WDR93: variants seen among roughly 807,000 people sequenced by gnomAD.
WDR93 encodes the protein WD repeat domain 93.
In WDR93, 73 loss-of-function variants were observed where a neutral mutation model predicts 82.9. The ratio of observed to expected loss-of-function variants is 0.88; its 90% confidence interval spans 0.73 to 1.07. The LOEUF is 1.07. Among genes scored for constraint, WDR93 ranks in the 50% least tolerant of loss-of-function variants. The pLI, the probability that WDR93 is intolerant of heterozygous loss-of-function variation, is 0.00. For missense variants in WDR93, 738 were observed against 826.0 expected (o/e 0.89, Z 1.31); for synonymous variants, 283 against 300.1 (o/e 0.94, Z 0.59).
chr15:89,695,834 T>A (rs978760439), intron 1 of WDR93, among the ~76,000 whole-genome samples: 8 of 148,148 alleles, frequency 5.4e-5, no homozygotes, highest in African/African-American at 1.8e-4. Flanking sequence ...TTTTTTTTTT[T>A]GAGACAGAGC....
intron 4 of WDR93, among the ~76,000 whole-genome samples, chr15:89,708,824 G>A (rs1265345928): frequency 6.6e-6 from 1 of 152,198 alleles, no homozygotes; most frequent in Non-Finnish European, 1.5e-5. Flanking sequence ...GCATTGTAGG[G>A]CCAGTCCTCC....
At chr15:89,730,659 G>T (rs1010605148) in intron 11 of WDR93, among the ~76,000 whole-genome samples, 2 of 152,192 alleles carry the variant, frequency 1.3e-5, no homozygotes, top group Non-Finnish European at 2.9e-5. Flanking sequence ...ACTTTGGGAG[G>T]CAGAGGCAGG....
rs1965547722 is a variant in WDR93 at position 89,703,048 on chromosome 15, A to G, written c.402A>G (p.Gln134=). ...TTTATAATCTGTACAGTGCTAAACA[A>G]ATATATGCGTGGGAGAAGCTTAAGG... is the stretch of plus-strand genomic sequence containing the variant. ...FSIYNLYSAK[Q]IYAWEKLKVD... Residue 134 remains glutamine (Q), a synonymous_variant, in exon 3 of 17, where the codon CAA becomes CAG. Coordinates refer to ENST00000268130, the MANE Select transcript of WDR93 (RefSeq NM_020212.2). The G allele has an allele frequency of 1.2e-6, 2 of 1,614,216 alleles. No homozygotes were observed. The highest frequency in any genetic ancestry group is 1.7e-6 in the Non-Finnish European group (2 of 1,180,038).
chr15:89,705,459 C>G, intron 3 of WDR93, 95 bp from the exon 4 acceptor site: 1 of 785,938 alleles, frequency 1.3e-6, no homozygotes, highest in Admixed American at 2.0e-5. Context: ...TGAGCGAGCT[C>G]ATGATGGTAA....
intron 8 of WDR93, among the ~76,000 whole-genome samples, chr15:89,722,525 G>T (rs919649008): frequency 1.2e-4 from 19 of 152,132 alleles, no homozygotes; most frequent in Admixed American, 3.3e-4. Context: ...CAAGCACAAA[G>T]ATGAGTAAAA....
At chr15:89,729,185 C>A in intron 10 of WDR93, 92 bp downstream of exon 10, 1 of 1,207,732 alleles carries the variant, frequency 8.3e-7, no homozygotes, top group Non-Finnish European at 1.2e-6. Context: ...CCCCAACAAA[C>A]CTCGCATGGT....
At chr15:89,738,769 G>A (rs1420849483) in intron 16 of WDR93, among the ~76,000 whole-genome samples, 1 of 152,060 alleles carries the variant, frequency 6.6e-6, no homozygotes. Context: ...GCTTCCAGTT[G>A]GTGTTTTCTT....
intron 13 of WDR93, among the ~76,000 whole-genome samples, chr15:89,734,981 C>T (rs1219573138): frequency 4.0e-5 from 6 of 151,144 alleles, no homozygotes; most frequent in South Asian, 2.1e-4. Flanking sequence ...TCCTTCCCTC[C>T]GTCCCTCCTT....
Position 89,701,859 on chromosome 15 carries a change from A to G in WDR93, c.113A>G (p.Glu38Gly). The change falls in exon 2 of 17, where the codon GAA becomes GGA. Residue 38 changes from glutamate (E) to glycine (G), a missense_variant. Physicochemically the swap from Glu to Gly is moderately conservative, Grantham distance 98. Transcript: ENST00000268130. ...GAGAAGGACTGGCCTAAAGACGATGAACAGGATCATGTCCTCGTGGATCCA... is the reference window on the plus strand; with the variant it reads ...GAGAAGGACTGGCCTAAAGACGATGGACAGGATCATGTCCTCGTGGATCCA... ...PTEKDWPKDDEQDHVLVDPDE... is the reference protein window; with the variant it reads ...PTEKDWPKDDGQDHVLVDPDE... 1 of 1,614,234 alleles carries G rather than the reference A, an allele frequency of 6.2e-7. No homozygotes were observed. Among genetic ancestry groups the G allele is most frequent in the Non-Finnish European group, 8.5e-7 (1 of 1,180,028 alleles).
intron 7 of WDR93, among the ~76,000 whole-genome samples, chr15:89,717,587 AGGGGC>A (rs1966322509): frequency 6.6e-6 from 1 of 152,182 alleles, no homozygotes; most frequent in Admixed American, 6.5e-5. Flanking sequence ...GGCCCCTGGA[AGGGGC>A]CCTAGCAATG....
In WDR93 at chr15:89,729,556, TAAAAC is replaced by T. The variant is rs926717244; in HGVS notation, c.1124-123_1124-119del. ...CACCCTTCTCTTGGGTGCTGCCCAT[TAAAAC>T]AAACCACTTCAGACTTCAAACCAGC... On this transcript the variant is annotated intron_variant, in intron 10 of 16. Coordinates refer to ENST00000268130, the MANE Select transcript of WDR93 (RefSeq NM_020212.2). 7 of 713,052 alleles carry T rather than the reference TAAAAC, an allele frequency of 9.8e-6. No homozygotes were observed. The African/African-American group carries it at 1.1e-4, about 11-fold the overall frequency. The allele number at this position is 713,052 out of a possible 1,614,324, so 44.2% of individuals were successfully genotyped here.
chr15:89,728,828 C>G (rs1567123065), intron 9 of WDR93, among the ~76,000 whole-genome samples, 195 bp from the exon 10 acceptor site: 1 of 152,198 alleles, frequency 6.6e-6, no homozygotes, highest in Non-Finnish European at 1.5e-5. Flanking sequence ...CCCCACCCAA[C>G]CTGCCCTCAC....
At chr15:89,717,045 C>CTT (rs11457156) in intron 7 of WDR93, 96 bp downstream of exon 7, 18,756 of 169,924 alleles carry the variant, frequency 0.11, 876 homozygotes, top group Middle Eastern at 0.13. Flanking sequence ...CTTTTTCTTT[C>CTT]TTTTTTTTTT....
At chr15:89,691,689 C>T (rs1443129269) in intron 1 of WDR93, among the ~76,000 whole-genome samples, 4 of 152,092 alleles carry the variant, frequency 2.6e-5, no homozygotes, top group Non-Finnish European at 5.9e-5. Flanking sequence ...CACTGCTTTC[C>T]AGCCTGGGCG....
At chr15:89,716,762 G>A (rs1966269526) in intron 6 of WDR93, 149 bp from the exon 7 acceptor site, 1 of 611,730 alleles carries the variant, frequency 1.6e-6, no homozygotes, top group South Asian at 2.2e-5. Flanking sequence ...GCAGGCCAGA[G>A]GCCCACACAA....
chr15:89,690,663 G>A (rs995540765), upstream of WDR93: 2 of 1,535,712 alleles, frequency 1.3e-6, no homozygotes, highest in Non-Finnish European at 1.8e-6. Context: ...CGAGTCGCAC[G>A]GGGCTCAGGC....
chr15:89,690,505 G>T, upstream of WDR93: 2 of 1,147,126 alleles, frequency 1.7e-6, no homozygotes, highest in South Asian at 1.4e-5. Flanking sequence ...CCTTTTTCCC[G>T]GGTGCAGGGG....
rs7180848 is a variant in WDR93 at position 89,717,219 on chromosome 15, C to T, written c.795+270C>T. ...GGATTATAGGCATGCACTACCACGC[C>T]CGGCTAATATTGTATTTTTAGTAGA... On this transcript the variant is annotated intron_variant, in intron 7 of 16. Coordinates refer to ENST00000268130, the MANE Select transcript of WDR93 (RefSeq NM_020212.2). 7.0e-3 allele frequency among the ~76,000 whole-genome samples: 1,055 copies of T among 151,614 alleles called. 10 individuals carry two copies. Among genetic ancestry groups the T allele is most frequent in the African/African-American group, 0.023 (966 of 41,352 alleles).
At chr15:89,720,647 T>C (rs1966488904) in intron 7 of WDR93, among the ~76,000 whole-genome samples, 1 of 152,248 alleles carries the variant, frequency 6.6e-6, no homozygotes, top group African/African-American at 2.4e-5. Context: ...TTTATGGGCT[T>C]CTCATAAAAT....
Sources: allele counts gnomAD v4.1 joint callset (sites outside exome capture counted in the v4.1 genomes callset), GRCh38; gene constraint gnomAD v4.1.1; transcripts MANE v1.5; gene names NCBI Gene and HGNC (gene_info 2026-07-23, HGNC 2026-07-21).